Variants in GALNT18 observed in about 807,000 individuals in gnomAD.
GALNT18 encodes polypeptide N-acetylgalactosaminyltransferase 18.
In GALNT18, 44 loss-of-function variants were observed where a neutral mutation model predicts 69.5. The ratio of observed to expected loss-of-function variants is 0.63; its 90% CI spans 0.50 to 0.81. The LOEUF (loss-of-function observed/expected upper bound fraction) is 0.81, where lower values mean the gene tolerates loss of function less well. Among genes scored for constraint, GALNT18 ranks in the 40% least tolerant of loss-of-function variants. The probability of loss-of-function intolerance (pLI) is 0.00; values close to 1 mark genes in which losing one functional copy is unlikely to be tolerated. For missense variants in GALNT18, 715 were observed against 810.0 expected (o/e 0.88, Z 1.42); for synonymous variants, 364 against 318.2 (o/e 1.14, Z -1.53).
At chr11:11,380,682 T>C (rs1276241341) in intron 3 of GALNT18, among the ~76,000 whole-genome samples, 1 of 152,262 alleles carries the variant, frequency 6.6e-6, no homozygotes, top group African/African-American at 2.4e-5. Flanking sequence ...CGGGTGCATG[T>C]GCAGGTGCTT....
At chr11:11,400,215 C>G (rs900025787) in intron 3 of GALNT18, among the ~76,000 whole-genome samples, 1 of 152,208 alleles carries the variant, frequency 6.6e-6, no homozygotes, top group African/African-American at 2.4e-5. Flanking sequence ...GACTGCAGCC[C>G]TAACCAGCAT....
chr11:11,428,927 G>A (rs1027602659), intron 3 of GALNT18, among the ~76,000 whole-genome samples: 2 of 152,132 alleles, frequency 1.3e-5, no homozygotes, highest in African/African-American at 4.8e-5. Flanking sequence ...CCTGGGTCAT[G>A]ATGTAACTTT....
chr11:11,463,675 GAACA>G lies in GALNT18; in HGVS notation c.236-14743_236-14740del, dbSNP rs997366070. ...AGTGGATTTGTCCTTCGAAAAAACT[GAACA>G]AACAGGCCCTCCCAACCCCAGGCCC... On this transcript the variant is annotated intron_variant, in intron 1 of 10. Transcript: ENST00000227756. The surrounding 1 kb of genome is among the most constrained non-coding windows in gnomAD (Gnocchi z 4.2). Among the ~76,000 whole-genome samples the G allele has an allele frequency of 3.3e-5, 5 of 152,142 alleles. No homozygotes were observed. Among genetic ancestry groups the G allele is most frequent in the Non-Finnish European group, 5.9e-5 (4 of 68,026 alleles).
In GALNT18 at chr11:11,305,232, T is replaced by C. The variant is rs556761228; in HGVS notation, c.1513-12039A>G. On this transcript the variant is annotated intron_variant, in intron 9 of 10. Transcript: ENST00000227756. ...TGTTGCAAGTGAGCCCATGCTTAGA[T>C]GCAGAGTGTGCCTTTTTAGTATCAG... Among the ~76,000 whole-genome samples, 12 of 152,348 alleles carry C rather than the reference T, an allele frequency of 7.9e-5. No individual in the cohort carries two copies. In the East Asian group the frequency reaches 2.3e-3, roughly 29 times the overall value.
chr11:11,433,817 T>C (rs990770860), intron 2 of GALNT18, among the ~76,000 whole-genome samples: 1 of 152,052 alleles, frequency 6.6e-6, no homozygotes, highest in Non-Finnish European at 1.5e-5. Context: ...CCATTTTCTG[T>C]GTAGATGAAT....
intron 8 of GALNT18, among the ~76,000 whole-genome samples, chr11:11,331,753 A>G (rs10500745): frequency 0.36 from 54,332 of 151,956 alleles, 10,360 homozygotes; most frequent in Admixed American, 0.46. Flanking sequence ...TGACATGGAG[A>G]TAATATAGCT....
chr11:11,402,888 T>A lies in GALNT18; in HGVS notation c.596-23624A>T, dbSNP rs1854500119. ...CCCCGGAGATGGTGTAATGCTTGTT[T>A]CTCTTTGGAGTTAGCACAGCTCTAG... On this transcript the variant is annotated intron_variant, in intron 3 of 10. Coordinates refer to ENST00000227756, the MANE Select transcript of GALNT18 (RefSeq NM_198516.3). The surrounding 1 kb of genome is among the most constrained non-coding windows in gnomAD (Gnocchi z 4.0). Among the ~76,000 whole-genome samples the A allele has an allele frequency of 6.6e-6, 1 of 152,228 alleles. No homozygotes were observed. Among genetic ancestry groups the A allele is most frequent in the Admixed American group, 6.5e-5 (1 of 15,286 alleles).
intron 6 of GALNT18, among the ~76,000 whole-genome samples, chr11:11,348,021 C>A (rs10765838): frequency 0.83 from 126,718 of 151,974 alleles, 57,459 homozygotes; most frequent in East Asian, 1. Flanking sequence ...CAGGCATCCT[C>A]CAATTTTGTA....
chr11:11,276,214 G>C (rs766135262), intron 10 of GALNT18, among the ~76,000 whole-genome samples: 1 of 152,202 alleles, frequency 6.6e-6, no homozygotes, highest in Non-Finnish European at 1.5e-5. Context: ...TCCTTGAGCA[G>C]TGCTTTGTAG....
chr11:11,342,290 G>A (rs1850221865), intron 6 of GALNT18, among the ~76,000 whole-genome samples: 1 of 152,168 alleles, frequency 6.6e-6, no homozygotes, highest in African/African-American at 2.4e-5. Flanking sequence ...AGGTGAATCT[G>A]AAATACCTGG....
chr11:11,584,324 AAC>A lies in GALNT18; in HGVS notation c.235+37033_235+37034del. Among the ~76,000 whole-genome samples the A allele has an allele frequency of 6.6e-6, 1 of 152,332 alleles. No homozygotes were observed. The highest frequency in any genetic ancestry group is 2.1e-4 in the South Asian group (1 of 4,826). On this transcript the variant is annotated intron_variant, in intron 1 of 10. Coordinates refer to ENST00000227756, the MANE Select transcript of GALNT18 (RefSeq NM_198516.3). The surrounding 1 kb of genome is among the most constrained non-coding windows in gnomAD (Gnocchi z 4.1). Reference sequence around the variant, plus strand: ...AAAAATAAATAAATAACACCTTGCAAACACAAGGGGACAGTTTGTATTTTAAA... The same window carrying A: ...AAAAATAAATAAATAACACCTTGCAAACAAGGGGACAGTTTGTATTTTAAA...
intron 10 of GALNT18, 68 bp downstream of exon 10, chr11:11,292,961 G>A: frequency 1.5e-6 from 2 of 1,305,926 alleles, no homozygotes; most frequent in Non-Finnish European, 9.9e-7. Context: ...CCACCTCCCT[G>A]GCCCCTGAGG....
intron 3 of GALNT18, among the ~76,000 whole-genome samples, chr11:11,409,143 C>T (rs1854667107): frequency 6.6e-6 from 1 of 152,160 alleles, no homozygotes; most frequent in Non-Finnish European, 1.5e-5. Flanking sequence ...GATGCCACTC[C>T]CTGCTGAGGC....
At chr11:11,349,361 G>A (rs1053780) in intron 6 of GALNT18, among the ~76,000 whole-genome samples, 7,019 of 152,174 alleles carry the variant, frequency 0.046, 224 homozygotes, top group South Asian at 0.12. Flanking sequence ...AACTTTCCTA[G>A]GAAAAGTGAC....
In GALNT18 at chr11:11,621,355, G is replaced by C; in HGVS notation, c.235+4C>G. The C allele has an allele frequency of 6.2e-7, 1 of 1,612,364 alleles. No homozygotes were observed. Among genetic ancestry groups the C allele is most frequent in the Non-Finnish European group, 8.5e-7 (1 of 1,178,830 alleles). On this transcript the variant is annotated splice_donor_region_variant and intron_variant, in intron 1 of 10. Transcript: ENST00000227756. This position sits in a 1 kb window ranked among gnomAD's most constrained non-coding sequence, Gnocchi z 9.3. Reference sequence around the variant, plus strand: ...GGCGACCCAAGTTTCCGGGGCGCCCGTACCTTGAATGTGCTGCTTGATGAC... The same window carrying C: ...GGCGACCCAAGTTTCCGGGGCGCCCCTACCTTGAATGTGCTGCTTGATGAC...
In GALNT18 at chr11:11,618,086, C is replaced by A. The variant is rs1328952961; in HGVS notation, c.235+3273G>T. Among the ~76,000 whole-genome samples, 1 of 152,130 alleles carries A rather than the reference C, an allele frequency of 6.6e-6. No homozygotes were observed. On this transcript the variant is annotated intron_variant, in intron 1 of 10. Transcript: ENST00000227756. This position sits in a 1 kb window ranked among gnomAD's most constrained non-coding sequence, Gnocchi z 6.1. ...TTAAAATGAAATATCACTGCAACTC[C>A]CAAGACGAAAATAAACTTTTCAGTC...
intron 10 of GALNT18, among the ~76,000 whole-genome samples, chr11:11,284,861 T>C (rs1849159704): frequency 6.6e-6 from 1 of 151,348 alleles, no homozygotes; most frequent in African/African-American, 2.4e-5. Flanking sequence ...AGTGGTCTTT[T>C]TGTATTATGA....
chr11:11,524,960 G>A (rs1202342861), intron 1 of GALNT18, among the ~76,000 whole-genome samples: 1 of 152,186 alleles, frequency 6.6e-6, no homozygotes, highest in Non-Finnish European at 1.5e-5. Flanking sequence ...GATTCTGTCT[G>A]GGGTTTCCAG....
At chr11:11,551,482 T>C (rs530352224) in intron 1 of GALNT18, among the ~76,000 whole-genome samples, 6 of 152,304 alleles carry the variant, frequency 3.9e-5, no homozygotes, top group African/African-American at 1.4e-4. Flanking sequence ...CCCAGAAATT[T>C]CCAAGAACTT....
Sources: gnomAD v4.1 joint callset for allele counts (sites outside exome capture counted in the v4.1 genomes callset) on GRCh38, gnomAD v4.1.1 for gene constraint, Gnocchi (gnomAD v3.1) non-coding constraint, MANE v1.5 for transcripts, NCBI Gene and HGNC (gene_info 2026-07-23, HGNC 2026-07-21) for gene names.